The following PDE3A variants were observed in gnomAD, a reference collection of about 807,000 sequenced individuals.
PDE3A encodes cGMP-inhibited 3',5'-cyclic phosphodiesterase 3A.
Under a neutral mutation model 98.3 loss-of-function variants are expected in PDE3A, and 43 were observed. The observed-to-expected ratio is 0.44, with a 90% CI of 0.34 to 0.56. The LOEUF (loss-of-function observed/expected upper bound fraction) is 0.56. Among genes scored for constraint, PDE3A ranks in the 20% least tolerant of loss-of-function variants. The pLI is 0.01. For missense variants in PDE3A, 1,427 were observed against 1,440.7 expected, an observed-to-expected ratio of 0.99 and a Z score of 0.15; for synonymous variants, 663 against 567.9, an observed-to-expected ratio of 1.17 and a Z score of -2.38.
chr12:20,563,489 T>C (rs1191585461), intron 2 of PDE3A, among the ~76,000 whole-genome samples: 1 of 152,210 alleles, frequency 6.6e-6, no homozygotes, highest in Non-Finnish European at 1.5e-5. Context: ...ATTTATGCCC[T>C]AGAGCTAGCT....
chr12:20,629,385 A>C (rs1255807981), intron 5 of PDE3A, among the ~76,000 whole-genome samples: 1 of 152,182 alleles, frequency 6.6e-6, no homozygotes, highest in African/African-American at 2.4e-5. Flanking sequence ...ATTTCACTGA[A>C]ACTGCGAATG....
intron 1 of PDE3A, among the ~76,000 whole-genome samples, chr12:20,424,084 T>C (rs549469115): frequency 3.3e-5 from 5 of 151,924 alleles, no homozygotes; most frequent in African/African-American, 9.6e-5. Flanking sequence ...TGCAGTTTCA[T>C]GCATAACCGT....
intron 1 of PDE3A, among the ~76,000 whole-genome samples, chr12:20,422,635 T>A (rs1463913701): frequency 1.3e-5 from 2 of 152,188 alleles, no homozygotes; most frequent in African/African-American, 2.4e-5. Flanking sequence ...TCCACCAAAG[T>A]CACATTCTAA....
intron 2 of PDE3A, among the ~76,000 whole-genome samples, chr12:20,562,874 T>C (rs542743501): frequency 6.6e-6 from 1 of 152,314 alleles, no homozygotes; most frequent in South Asian, 2.1e-4. Flanking sequence ...TGATTCTAAA[T>C]AATTCAAGTA....
At chr12:20,555,961 C>CTGA (rs138352232) in intron 1 of PDE3A, among the ~76,000 whole-genome samples, 3,684 of 152,210 alleles carry the variant, frequency 0.024, 133 homozygotes, top group African/African-American at 0.084. Flanking sequence ...TCAGCTGGTA[C>CTGA]TGATGACTAA....
At chr12:20,589,388 G>T (rs1204681366) in intron 2 of PDE3A, among the ~76,000 whole-genome samples, 1 of 152,106 alleles carries the variant, frequency 6.6e-6, no homozygotes, top group Non-Finnish European at 1.5e-5. Flanking sequence ...TAAGTAAATT[G>T]ACATATTAAG....
chr12:20,553,160 T>A, intron 1 of PDE3A: 1 of 812,184 alleles, frequency 1.2e-6, no homozygotes. Flanking sequence ...TTTTTTTTTA[T>A]TTTTATTTTT....
At chr12:20,390,412 G>A (rs190687185) in intron 1 of PDE3A, among the ~76,000 whole-genome samples, 26 of 146,774 alleles carry the variant, frequency 1.8e-4, no homozygotes, top group Admixed American at 9.6e-4. Flanking sequence ...TAGAGACATT[G>A]AAGATTTATT....
At chr12:20,471,986 T>C (rs1945447162) in intron 1 of PDE3A, among the ~76,000 whole-genome samples, 1 of 152,188 alleles carries the variant, frequency 6.6e-6, no homozygotes, top group African/African-American at 2.4e-5. Flanking sequence ...CCTATGGTCA[T>C]CCTGGTGCAT....
chr12:20,603,830 A>T (rs557172944), intron 2 of PDE3A, among the ~76,000 whole-genome samples: 37 of 152,298 alleles, frequency 2.4e-4, no homozygotes, highest in African/African-American at 7.9e-4. Context: ...TACACTATAC[A>T]GTCGATATTA....
chr12:20,432,928 A>G (rs528769534), intron 1 of PDE3A, among the ~76,000 whole-genome samples: 30 of 152,250 alleles, frequency 2.0e-4, no homozygotes, highest in Non-Finnish European at 3.4e-4. Flanking sequence ...ACCAAAGTAT[A>G]TTATCTCACA....
At chr12:20,401,323 T>C (rs1944126577) in intron 1 of PDE3A, among the ~76,000 whole-genome samples, 1 of 152,220 alleles carries the variant, frequency 6.6e-6, no homozygotes, top group Non-Finnish European at 1.5e-5. Context: ...ATGTTAATAT[T>C]TAATCATGTA....
intron 1 of PDE3A, among the ~76,000 whole-genome samples, chr12:20,378,541 A>G (rs1234971231): frequency 6.6e-6 from 1 of 151,724 alleles, no homozygotes; most frequent in Non-Finnish European, 1.5e-5. Context: ...AGATACATAG[A>G]TTTTCACTTA....
At chr12:20,608,083 C>T (rs562570079) in intron 2 of PDE3A, among the ~76,000 whole-genome samples, 28 of 152,196 alleles carry the variant, frequency 1.8e-4, no homozygotes, top group Non-Finnish European at 3.1e-4. Flanking sequence ...CTTAAAATTC[C>T]TTAATAGGGA....
At chr12:20,676,846 T>G (rs1348758182) in intron 15 of PDE3A, among the ~76,000 whole-genome samples, 3 of 152,154 alleles carry the variant, frequency 2.0e-5, no homozygotes, top group African/African-American at 7.2e-5. Context: ...GGGGAGGACC[T>G]TGAATTTTAT....
Position 20,635,555 on chromosome 12 carries a change from G to A in PDE3A, c.2001+499G>A, listed in dbSNP as rs1351063054. On this transcript the variant is annotated intron_variant, in intron 8 of 15. Transcript: ENST00000359062. ...ATCGTGCCATTGCACTCCAGCCTGC[G>A]CAATAGAGGGAGACTCTGTCTCAAA... 1.9e-4 allele frequency among the ~76,000 whole-genome samples: 28 copies of A among 145,924 alleles called. No homozygotes were observed. In the East Asian group the frequency reaches 2.2e-3, roughly 11 times the overall value.
chr12:20,441,753 C>T (rs1368443482), intron 1 of PDE3A, among the ~76,000 whole-genome samples: 2 of 152,024 alleles, frequency 1.3e-5, no homozygotes, highest in East Asian at 3.9e-4. Context: ...ATGTGTTCCT[C>T]CCAATTACTC....
At chr12:20,428,934 A>T (rs1944647671) in intron 1 of PDE3A, among the ~76,000 whole-genome samples, 1 of 152,234 alleles carries the variant, frequency 6.6e-6, no homozygotes, top group African/African-American at 2.4e-5. Context: ...TTACCAACAT[A>T]TATGTAGTCA....
chr12:20,412,965 C>T (rs1201265440), intron 1 of PDE3A, among the ~76,000 whole-genome samples: 2 of 152,154 alleles, frequency 1.3e-5, no homozygotes, highest in African/African-American at 4.8e-5. Context: ...ACATATGTGG[C>T]AAGAAGCAGA....
Sources: gnomAD v4.1 joint callset for allele counts (sites outside exome capture counted in the v4.1 genomes callset) on GRCh38, gnomAD v4.1.1 for gene constraint, MANE v1.5 for transcripts, NCBI Gene and HGNC (gene_info 2026-07-23, HGNC 2026-07-21) for gene names.